Variants in MACROD2 observed in about 807,000 individuals in gnomAD.
The protein encoded by MACROD2 is mono-ADP ribosylhydrolase 2.
MACROD2 carries 36 observed loss-of-function variants against 70.4 expected under a neutral mutation model. The ratio of observed to expected loss-of-function variants is 0.51; its 90% CI spans 0.39 to 0.68. MACROD2 has a LOEUF of 0.68. Among genes scored for constraint, MACROD2 ranks in the 30% least tolerant of loss-of-function variants. The probability of loss-of-function intolerance (pLI) is 0.00; values close to 1 mark genes in which losing one functional copy is unlikely to be tolerated. For missense variants in MACROD2, 496 were observed against 538.4 expected (o/e 0.92, Z 0.78); for synonymous variants, 172 against 178.8 (o/e 0.96, Z 0.30).
chr20:14,658,847 C>T (rs1986097036), intron 4 of MACROD2, among the ~76,000 whole-genome samples: 2 of 152,184 alleles, frequency 1.3e-5, no homozygotes, highest in South Asian at 4.1e-4. Context: ...CTCCTGAGCT[C>T]AGGCAAACCA....
intron 4 of MACROD2, 57 bp downstream of exon 4, chr20:14,493,565 A>G (rs1367491151): frequency 1.5e-5 from 21 of 1,397,838 alleles, no homozygotes; most frequent in Non-Finnish European, 2.0e-5. Context: ...ACCAACTACA[A>G]GATATTTAGT....
intron 8 of MACROD2, among the ~76,000 whole-genome samples, chr20:15,516,702 A>T (rs973138274): frequency 3.3e-5 from 5 of 152,172 alleles, no homozygotes; most frequent in Non-Finnish European, 7.4e-5. Context: ...AGAACACCTG[A>T]TCCTCGGTCC....
chr20:14,736,328 G>T (rs1341918608), intron 5 of MACROD2, among the ~76,000 whole-genome samples: 1 of 152,154 alleles, frequency 6.6e-6, no homozygotes, highest in Admixed American at 6.5e-5. Context: ...AGGGAGACAG[G>T]AGTGGGGAGT....
chr20:16,039,749 T>C lies in MACROD2; in HGVS notation c.1154-1452T>C, dbSNP rs1156912426. 2.0e-5 allele frequency among the ~76,000 whole-genome samples: 3 copies of C among 152,052 alleles called. No homozygotes were observed. In the East Asian group the frequency reaches 5.8e-4, roughly 30 times the overall value. ...AATAGGCAGTGTGAGAAAGGTATTA[T>C]ATAGTGTTAACAAGTCCAGTTGGAA... On this transcript the variant is annotated intron_variant, in intron 15 of 17. Coordinates refer to ENST00000684519, the MANE Select transcript of MACROD2 (RefSeq NM_001351661.2).
chr20:14,068,942 T>G (rs960614057), intron 2 of MACROD2, among the ~76,000 whole-genome samples: 26 of 152,258 alleles, frequency 1.7e-4, no homozygotes, highest in Middle Eastern at 3.4e-3. Context: ...AAATGGCTTT[T>G]TTTTGTTTTG....
intron 12 of MACROD2, among the ~76,000 whole-genome samples, chr20:15,948,400 A>G (rs1247632576): frequency 1.4e-5 from 2 of 147,724 alleles, no homozygotes; most frequent in African/African-American, 5.1e-5. Context: ...AAAAAAAAAA[A>G]AAAAAAAAAA....
At chr20:15,368,083 T>A (rs1428623903) in intron 6 of MACROD2, among the ~76,000 whole-genome samples, 1 of 152,070 alleles carries the variant, frequency 6.6e-6, no homozygotes, top group Non-Finnish European at 1.5e-5. Context: ...TATCTTGAGA[T>A]GAAATTGTCA....
At position 14,753,628 on chromosome 20, in the gene MACROD2, G is replaced by A. The variant is rs2071903439; in HGVS notation, c.418+68669G>A. ...ATCTGTTTAAAAAAAGTCATACGGA[G>A]AAAAAACAGAGAACTCTTGCTTTAC... is the stretch of plus-strand genomic sequence containing the variant. On this transcript the variant is annotated intron_variant, in intron 5 of 17. Transcript: ENST00000684519. 2.6e-5 allele frequency among the ~76,000 whole-genome samples: 4 copies of A among 151,980 alleles called. No individual in the cohort carries two copies. In the South Asian group the frequency reaches 8.3e-4, roughly 31 times the overall value.
chr20:14,495,754 T>C (rs1051876423), intron 4 of MACROD2, among the ~76,000 whole-genome samples: 1 of 152,192 alleles, frequency 6.6e-6, no homozygotes, highest in Non-Finnish European at 1.5e-5. Flanking sequence ...CATTCAGGAA[T>C]AGGCCAACTC....
At chr20:16,030,772 A>G (rs1335549885) in intron 15 of MACROD2, among the ~76,000 whole-genome samples, 1 of 152,230 alleles carries the variant, frequency 6.6e-6, no homozygotes, top group Non-Finnish European at 1.5e-5. Context: ...AATATAATAC[A>G]TATGGAAGAG....
intron 5 of MACROD2, among the ~76,000 whole-genome samples, chr20:15,148,025 C>T (rs1472378609): frequency 6.6e-6 from 1 of 151,976 alleles, no homozygotes; most frequent in Non-Finnish European, 1.5e-5. Context: ...GATGGCTTAG[C>T]TTGGGCTCAG....
intron 6 of MACROD2, among the ~76,000 whole-genome samples, chr20:15,306,302 AG>A (rs2077697198): frequency 6.6e-6 from 1 of 152,190 alleles, no homozygotes; most frequent in Admixed American, 6.5e-5. Context: ...TTCCTAAATG[AG>A]AATCTGGACT....
chr20:14,145,786 T>C (rs1349168350), intron 3 of MACROD2, among the ~76,000 whole-genome samples: 2 of 152,214 alleles, frequency 1.3e-5, no homozygotes, highest in Admixed American at 6.5e-5. Flanking sequence ...GAGTTTGAGC[T>C]TCCTAAAGAT....
chr20:15,916,822 A>G (rs2065324187), intron 10 of MACROD2, among the ~76,000 whole-genome samples: 1 of 152,204 alleles, frequency 6.6e-6, no homozygotes, highest in Non-Finnish European at 1.5e-5. Flanking sequence ...CTACAAGGGT[A>G]ATCACTCCGC....
intron 8 of MACROD2, among the ~76,000 whole-genome samples, chr20:15,672,348 T>TAC (rs3071295): frequency 0.15 from 20,741 of 141,624 alleles, 1,597 homozygotes; most frequent in African/African-American, 0.22. Context: ...TGTTCTATTT[T>TAC]ACACACACAC....
At chr20:14,409,289 CT>C (rs1490005058) in intron 3 of MACROD2, among the ~76,000 whole-genome samples, 4 of 151,840 alleles carry the variant, frequency 2.6e-5, no homozygotes, top group Non-Finnish European at 5.9e-5. Flanking sequence ...TTGCATTCAG[CT>C]TTGACTTCTG....
chr20:15,074,511 C>T (rs1204127352), intron 5 of MACROD2, among the ~76,000 whole-genome samples: 1 of 152,090 alleles, frequency 6.6e-6, no homozygotes, highest in Non-Finnish European at 1.5e-5. Flanking sequence ...GTTGTGGGAA[C>T]CTCGATTTAG....
intron 5 of MACROD2, among the ~76,000 whole-genome samples, chr20:14,924,897 G>A (rs746316927): frequency 1.3e-5 from 2 of 152,062 alleles, no homozygotes; most frequent in Non-Finnish European, 2.9e-5. Flanking sequence ...AATCTAATAA[G>A]ATTTGTAATA....
chr20:14,356,662 G>C (rs2083175861), intron 3 of MACROD2, among the ~76,000 whole-genome samples: 2 of 151,998 alleles, frequency 1.3e-5, no homozygotes, highest in South Asian at 4.1e-4. Context: ...GAGCCACCAT[G>C]CCTGGCTAGT....
Sources: gnomAD v4.1 joint callset for allele counts (sites outside exome capture counted in the v4.1 genomes callset) on GRCh38, gnomAD v4.1.1 for gene constraint, MANE v1.5 for transcripts, NCBI Gene and HGNC (gene_info 2026-07-23, HGNC 2026-07-21) for gene names.